Variants in PRKG1 observed in about 807,000 individuals in gnomAD.
PRKG1 encodes protein kinase cGMP-dependent 1.
A neutral mutation model predicts 88.1 loss-of-function variants in PRKG1; 35 were observed. The observed-to-expected ratio is 0.40, with a 90% CI of 0.30 to 0.53. PRKG1 has a LOEUF of 0.53. Ranked by LOEUF, PRKG1 falls within the 20% of genes least tolerant of loss-of-function variation. PRKG1 has a pLI of 0.59. For missense variants in PRKG1, 540 were observed against 839.8 expected, an observed-to-expected ratio of 0.64 and a Z score of 4.41; for synonymous variants, 303 against 292.5, an observed-to-expected ratio of 1.04 and a Z score of -0.37.
At chr10:51,132,177 G>A (rs1845582337) in intron 1 of PRKG1, among the ~76,000 whole-genome samples, 1 of 152,050 alleles carries the variant, frequency 6.6e-6, no homozygotes, top group Non-Finnish European at 1.5e-5. Context: ...TCTAATCAAG[G>A]ACAGACTCTC....
intron 4 of PRKG1, among the ~76,000 whole-genome samples, chr10:51,816,239 G>C (rs898432543): frequency 1.3e-5 from 2 of 152,112 alleles, no homozygotes; most frequent in Non-Finnish European, 2.9e-5. Context: ...TTGGCTAAGA[G>C]ACTTAATACA....
chr10:52,139,007 C>T (rs1010330051), intron 8 of PRKG1, among the ~76,000 whole-genome samples: 5 of 151,976 alleles, frequency 3.3e-5, no homozygotes, highest in East Asian at 1.9e-4. Flanking sequence ...CAGAGAAAAA[C>T]GTCACTGGAG....
intron 1 of PRKG1, among the ~76,000 whole-genome samples, chr10:51,081,269 C>T (rs951565792): frequency 2.2e-4 from 34 of 151,890 alleles, no homozygotes; most frequent in African/African-American, 8.2e-4. Context: ...CAAGAAAGGG[C>T]GAAACGAGAT....
chr10:51,957,632 T>G (rs374818640), intron 5 of PRKG1, among the ~76,000 whole-genome samples: 3 of 152,216 alleles, frequency 2.0e-5, no homozygotes, highest in African/African-American at 7.2e-5. Context: ...TATTGGGTCA[T>G]GCAGGTCTGA....
chr10:51,028,841 A>G (rs181704387), intron 1 of PRKG1, among the ~76,000 whole-genome samples: 2 of 152,284 alleles, frequency 1.3e-5, no homozygotes, highest in Admixed American at 1.3e-4. Flanking sequence ...TTCATTCGAG[A>G]ATATAAACTC....
At chr10:51,702,187 A>G (rs1244657513) in intron 3 of PRKG1, among the ~76,000 whole-genome samples, 1 of 152,218 alleles carries the variant, frequency 6.6e-6, no homozygotes, top group Non-Finnish European at 1.5e-5. Context: ...GGACTATGGG[A>G]CAAACAAGAA....
chr10:51,600,783 A>G (rs1250204263), intron 3 of PRKG1, among the ~76,000 whole-genome samples: 2 of 152,308 alleles, frequency 1.3e-5, no homozygotes, highest in East Asian at 3.9e-4. Flanking sequence ...CATATTAGAC[A>G]TATCAAGCTT....
intron 1 of PRKG1, among the ~76,000 whole-genome samples, chr10:51,035,676 T>G (rs886482641): frequency 6.6e-6 from 1 of 152,172 alleles, no homozygotes; most frequent in African/African-American, 2.4e-5. Flanking sequence ...ACATTCTTTT[T>G]TAAAAAATAC....
intron 1 of PRKG1, among the ~76,000 whole-genome samples, chr10:51,056,220 A>T (rs1843624344): frequency 6.6e-6 from 1 of 152,208 alleles, no homozygotes; most frequent in African/African-American, 2.4e-5. Flanking sequence ...TTGTTCTCCA[A>T]GTAGTACTAG....
intron 3 of PRKG1, among the ~76,000 whole-genome samples, chr10:51,502,052 CAAAT>C (rs1841042667): frequency 6.6e-6 from 1 of 151,906 alleles, no homozygotes; most frequent in African/African-American, 2.4e-5. Flanking sequence ...ATTTAAACCA[CAAAT>C]AAACAAAAAA....
chr10:51,431,919 A>T (rs533558595), intron 2 of PRKG1, among the ~76,000 whole-genome samples: 5 of 152,314 alleles, frequency 3.3e-5, no homozygotes, highest in African/African-American at 1.2e-4. Flanking sequence ...TTTACCACAT[A>T]TGGAAAAATA....
In PRKG1 at chr10:51,722,833, T is replaced by TG. The variant is rs1373412708; in HGVS notation, c.593-81751dup. ...TAGATACAAGAGAGAGTTATCTCACTGCTAAAGGACTGATTAAATGTTAAA... is the reference window on the plus strand; with the variant it reads ...TAGATACAAGAGAGAGTTATCTCACTGGCTAAAGGACTGATTAAATGTTAAA... On this transcript the variant is annotated intron_variant, in intron 3 of 17. Coordinates refer to ENST00000373980, the MANE Select transcript of PRKG1 (RefSeq NM_006258.4). Among the ~76,000 whole-genome samples the TG allele has an allele frequency of 2.6e-5, 4 of 152,322 alleles. No homozygotes were observed. In the East Asian group the frequency reaches 7.7e-4, roughly 29 times the overall value.
At chr10:51,797,492 T>G (rs1039695571) in intron 3 of PRKG1, among the ~76,000 whole-genome samples, 58 of 146,398 alleles carry the variant, frequency 4.0e-4, no homozygotes, top group Non-Finnish European at 7.8e-4. Context: ...TATATCATTA[T>G]ACATTATATA....
intron 3 of PRKG1, among the ~76,000 whole-genome samples, chr10:51,688,306 C>T (rs1041991722): frequency 1.3e-5 from 2 of 151,996 alleles, no homozygotes; most frequent in Non-Finnish European, 2.9e-5. Context: ...CTAAGGAGCA[C>T]ACTTTAATTA....
chr10:51,654,201 G>C (rs533462244), intron 3 of PRKG1, among the ~76,000 whole-genome samples: 1 of 152,148 alleles, frequency 6.6e-6, no homozygotes, highest in African/African-American at 2.4e-5. Flanking sequence ...ATTAATATTT[G>C]TATATGGTGT....
intron 1 of PRKG1, among the ~76,000 whole-genome samples, chr10:51,008,419 C>T (rs981381023): frequency 2.6e-5 from 4 of 152,168 alleles, no homozygotes; most frequent in African/African-American, 7.2e-5. Context: ...ACTAGAAGTT[C>T]GAATTCAAGG....
At chr10:51,615,789 T>G (rs1188517123) in intron 3 of PRKG1, among the ~76,000 whole-genome samples, 1 of 152,094 alleles carries the variant, frequency 6.6e-6, no homozygotes, top group Admixed American at 6.6e-5. Flanking sequence ...AAAATAAATA[T>G]TTCAAATTGT....
chr10:51,723,622 A>C lies in PRKG1; in HGVS notation c.593-80963A>C, dbSNP rs531134219. On this transcript the variant is annotated intron_variant, in intron 3 of 17. Coordinates refer to ENST00000373980, the MANE Select transcript of PRKG1 (RefSeq NM_006258.4). ...TCCCAGAACTTAAAGCATGACAAAA[A>C]AAAAGAAAAAGTTATCTGATGGTGC... Among the ~76,000 whole-genome samples the C allele has an allele frequency of 4.3e-3, 209 of 48,856 alleles. 1 individual carries two copies. Among genetic ancestry groups the C allele is most frequent in the African/African-American group, 0.013 (201 of 15,772 alleles). 32.1% of individuals were successfully genotyped at this position (48,856 alleles called of 152,430 possible).
chr10:51,937,234 T>C (rs1842816460), intron 5 of PRKG1, among the ~76,000 whole-genome samples: 1 of 152,014 alleles, frequency 6.6e-6, no homozygotes, highest in Non-Finnish European at 1.5e-5. Context: ...AAGCAGGGAC[T>C]GTTGTATATT....
Sources: allele counts gnomAD v4.1 joint callset (sites outside exome capture counted in the v4.1 genomes callset), GRCh38; gene constraint gnomAD v4.1.1; transcripts MANE v1.5; gene names NCBI Gene and HGNC (gene_info 2026-07-23, HGNC 2026-07-21).